The following TNRC6A variants were observed in gnomAD, a reference collection of about 807,000 sequenced individuals.
TNRC6A encodes the protein trinucleotide repeat-containing gene 6A protein.
Under a neutral mutation model 221.2 loss-of-function variants are expected in TNRC6A, and 44 were observed. That is an observed-to-expected ratio of 0.20 (90% CI 0.16 to 0.26). The LOEUF is 0.26. Among genes scored for constraint, TNRC6A ranks in the 10% least tolerant of loss-of-function variants. The pLI, the probability that TNRC6A is intolerant of heterozygous loss-of-function variation, is 1.00. For synonymous variants in TNRC6A, 847 were observed against 838.5 expected, an observed-to-expected ratio of 1.01 and a Z score of -0.18; for missense variants, 2,199 against 2,404.4, an observed-to-expected ratio of 0.91 and a Z score of 1.79.
chr16:24,691,951 T>C (rs188329321), intron 2 of TNRC6A, among the ~76,000 whole-genome samples: 1 of 152,224 alleles, frequency 6.6e-6, no homozygotes, highest in Admixed American at 6.5e-5. Flanking sequence ...CAAAGGAGGA[T>C]ATATTCATAT....
intron 4 of TNRC6A, among the ~76,000 whole-genome samples, chr16:24,760,654 A>G (rs2057344066): frequency 6.6e-6 from 1 of 152,140 alleles, no homozygotes; most frequent in Non-Finnish European, 1.5e-5. Flanking sequence ...TTTGGGGTTC[A>G]CATAGTGGTT....
intron 2 of TNRC6A, among the ~76,000 whole-genome samples, chr16:24,720,299 G>A (rs866105312): frequency 6.6e-6 from 1 of 152,102 alleles, no homozygotes. Context: ...CTACTCAGGA[G>A]GCTGAGGCAG....
At chr16:24,684,206 C>T (rs1479531122) in intron 2 of TNRC6A, among the ~76,000 whole-genome samples, 1 of 151,610 alleles carries the variant, frequency 6.6e-6, no homozygotes, top group Admixed American at 6.6e-5. Context: ...TGAGACCAGC[C>T]TGGGCAACAC....
At chr16:24,775,462 A>G (rs1301408185) in intron 4 of TNRC6A, among the ~76,000 whole-genome samples, 1 of 152,244 alleles carries the variant, frequency 6.6e-6, no homozygotes, top group Non-Finnish European at 1.5e-5. Context: ...TAAATTTACC[A>G]GATGTTCAGA....
At chr16:24,693,008 C>A (rs9922156) in intron 2 of TNRC6A, among the ~76,000 whole-genome samples, 123,369 of 152,086 alleles carry the variant, frequency 0.81, 50,344 homozygotes, top group African/African-American at 0.9. Flanking sequence ...TCACTGTAGT[C>A]TACTTAAAAT....
intron 2 of TNRC6A, among the ~76,000 whole-genome samples, chr16:24,694,535 G>A (rs1176618109): frequency 5.9e-5 from 9 of 151,396 alleles, no homozygotes. Flanking sequence ...TGTGCCTGTA[G>A]TCCCAGCTAC....
At chr16:24,750,849 T>A in intron 3 of TNRC6A, 36 bp downstream of exon 3, 1 of 1,411,132 alleles carries the variant, frequency 7.1e-7, no homozygotes, top group Non-Finnish European at 9.3e-7. Context: ...TTAAGCAGTT[T>A]AAACATAGAA....
chr16:24,716,794 C>T (rs142434775), intron 2 of TNRC6A, among the ~76,000 whole-genome samples: 4,333 of 151,422 alleles, frequency 0.029, 202 homozygotes, highest in African/African-American at 0.099. Context: ...CCCGTCTCTA[C>T]GAAAAATACC....
intron 18 of TNRC6A, among the ~76,000 whole-genome samples, chr16:24,814,001 CTT>C (rs2058601137): frequency 1.3e-5 from 2 of 152,236 alleles, no homozygotes; most frequent in Admixed American, 1.3e-4. Context: ...TCCCAAGTGA[CTT>C]TAATTCTGCT....
At chr16:24,816,425 G>T in intron 19 of TNRC6A, 1 of 161,290 alleles carries the variant, frequency 6.2e-6, no homozygotes, top group Middle Eastern at 3.1e-3. Context: ...GAGATCACTT[G>T]AGTCCAGGAG....
chr16:24,767,694 G>A (rs747989430), intron 4 of TNRC6A, among the ~76,000 whole-genome samples: 20 of 152,094 alleles, frequency 1.3e-4, no homozygotes, highest in Non-Finnish European at 2.5e-4. Flanking sequence ...TTTTTATACT[G>A]TATATTTGGG....
chr16:24,799,681 T>C (rs111676787), intron 11 of TNRC6A, among the ~76,000 whole-genome samples: 2 of 152,208 alleles, frequency 1.3e-5, no homozygotes, highest in African/African-American at 2.4e-5. Flanking sequence ...CTACTACCAT[T>C]GTTATTTCTG....
intron 17 of TNRC6A, among the ~76,000 whole-genome samples, chr16:24,807,459 A>G (rs921621794): frequency 2.0e-5 from 3 of 152,266 alleles, no homozygotes; most frequent in African/African-American, 2.4e-5. Context: ...ACAGTACACC[A>G]GAGAATTTTT....
At chr16:24,782,646 G>A (rs894586996) in intron 5 of TNRC6A, among the ~76,000 whole-genome samples, 2 of 152,150 alleles carry the variant, frequency 1.3e-5, no homozygotes, top group Admixed American at 1.3e-4. Context: ...GGGAGGCTGA[G>A]GTGGGCGGAT....
At chr16:24,705,094 A>G (rs901593895) in intron 2 of TNRC6A, among the ~76,000 whole-genome samples, 8 of 152,222 alleles carry the variant, frequency 5.3e-5, no homozygotes, top group African/African-American at 1.9e-4. Flanking sequence ...CTATGAACCA[A>G]TCACTGTTCA....
intron 22 of TNRC6A, 47 bp from the exon 23 acceptor site, chr16:24,822,030 C>T (rs1327043217): frequency 1.3e-6 from 2 of 1,580,344 alleles, no homozygotes; most frequent in East Asian, 2.2e-5. Flanking sequence ...TGTAGTTGGG[C>T]TCTTTCAGTC....
In TNRC6A at chr16:24,657,339, A is replaced by AAAAC. The variant is rs1385510848; in HGVS notation, n.402+16342_402+16345dup. ...TCTCAAAAAAAAAAAAAAAAAAAAA[A>AAAAC]AAACAAACAAACAAAGAAACAAACA... On this transcript the variant is annotated intron_variant and non_coding_transcript_variant, in intron 2 of 2. Transcript: ENST00000566108. Among the ~76,000 whole-genome samples, 1,213 of 126,408 alleles carry AAAAC rather than the reference A, an allele frequency of 9.6e-3. 54 individuals carry two copies. The highest frequency in any genetic ancestry group is 0.013 in the Non-Finnish European group (805 of 60,066). The allele number at this position is 126,408 out of a possible 152,430, so 82.9% of individuals were successfully genotyped here.
At chr16:24,729,517 C>T (rs1226789178), upstream of TNRC6A, among the ~76,000 whole-genome samples, 1 of 151,868 alleles carries the variant, frequency 6.6e-6, no homozygotes, top group Non-Finnish European at 1.5e-5. Context: ...CCAGGGAGGT[C>T]CGGCTGGGTG....
At chr16:24,638,604 T>A (rs1901763265) in intron 1 of TNRC6A, among the ~76,000 whole-genome samples, 1 of 151,796 alleles carries the variant, frequency 6.6e-6, no homozygotes, top group Admixed American at 6.6e-5. Context: ...TCCCAGCTAC[T>A]CGGGAGGCTG....
Sources: allele counts gnomAD v4.1 joint callset (sites outside exome capture counted in the v4.1 genomes callset), GRCh38; gene constraint gnomAD v4.1.1; transcripts MANE v1.5; gene names NCBI Gene and HGNC (gene_info 2026-07-23, HGNC 2026-07-21).